Variants in SLC43A2 observed in about 807,000 individuals in gnomAD.
SLC43A2 encodes large neutral amino acids transporter small subunit 4.
A neutral mutation model predicts 63.2 loss-of-function variants in SLC43A2; 38 were observed. The observed-to-expected ratio is 0.60, with a 90% CI of 0.46 to 0.79. The LOEUF is 0.79. SLC43A2 is among the 30% of genes least tolerant of loss of function. The pLI is 0.00. For synonymous variants in SLC43A2, 322 were observed against 331.0 expected, an observed-to-expected ratio of 0.97 and a Z score of 0.30; for missense variants, 644 against 756.2, an observed-to-expected ratio of 0.85 and a Z score of 1.74.
In SLC43A2 at chr17:1,577,513, G is replaced by A. The variant is rs1303393471; in HGVS notation, c.1424+737C>T. ...AAGCGGAGCTGGGATTACCCCAGGG[G>A]CTGTTGCGGGAATTGGGAGAGAGTT... On this transcript the variant is annotated intron_variant, in intron 12 of 13. Transcript: ENST00000301335. This position sits in a 1 kb window ranked among gnomAD's most constrained non-coding sequence, Gnocchi z 4.9. Among the ~76,000 whole-genome samples, 2 of 152,222 alleles carry A rather than the reference G, an allele frequency of 1.3e-5. No individual in the cohort carries two copies. Among genetic ancestry groups the A allele is most frequent in the Non-Finnish European group, 2.9e-5 (2 of 68,042 alleles).
At chr17:1,590,726 C>T in intron 9 of SLC43A2, 76 bp downstream of exon 9, 1 of 1,530,084 alleles carries the variant, frequency 6.5e-7, no homozygotes, top group Middle Eastern at 2.3e-4. Context: ...CTCAGCTTAA[C>T]ACATTCTGGC....
intron 2 of SLC43A2, among the ~76,000 whole-genome samples, chr17:1,617,436 G>A (rs890750223): frequency 1.3e-5 from 2 of 152,060 alleles, no homozygotes; most frequent in African/African-American, 4.8e-5. Context: ...TGTTGCCCAG[G>A]CTGGAGTGCA....
intron 9 of SLC43A2, among the ~76,000 whole-genome samples, chr17:1,590,597 C>G (rs1051009525): frequency 6.6e-6 from 1 of 152,236 alleles, no homozygotes; most frequent in African/African-American, 2.4e-5. Flanking sequence ...TTCCCTCCCT[C>G]CTGGACCAGG....
chr17:1,594,806 T>TCC, intron 5 of SLC43A2, among the ~76,000 whole-genome samples: 1 of 151,710 alleles, frequency 6.6e-6, no homozygotes, highest in Admixed American at 6.6e-5. Context: ...GCCAGGATGG[T>TCC]CTGGATCTCC....
intron 9 of SLC43A2, among the ~76,000 whole-genome samples, chr17:1,587,369 C>G (rs532037080): frequency 8.5e-5 from 13 of 152,352 alleles, no homozygotes; most frequent in Admixed American, 4.6e-4. Flanking sequence ...TCACATCTAC[C>G]TCCTGCTGTG....
At chr17:1,603,716 C>T (rs553043373) in intron 5 of SLC43A2, among the ~76,000 whole-genome samples, 1 of 152,268 alleles carries the variant, frequency 6.6e-6, no homozygotes, top group South Asian at 2.1e-4. Context: ...ACCCAGGAGG[C>T]AGAGGTGGCA....
intron 11 of SLC43A2, among the ~76,000 whole-genome samples, chr17:1,579,979 C>T (rs931775156): frequency 1.3e-5 from 2 of 151,672 alleles, no homozygotes; most frequent in Non-Finnish European, 2.9e-5. Flanking sequence ...GTAGCCCAGG[C>T]TGGAATGCAG....
chr17:1,611,039 A>G (rs1049939110), intron 5 of SLC43A2, among the ~76,000 whole-genome samples: 2 of 151,706 alleles, frequency 1.3e-5, no homozygotes, highest in African/African-American at 4.8e-5. Flanking sequence ...ACGGGGTTTC[A>G]CTATCTTGGG....
In SLC43A2 at chr17:1,576,579, TC is replaced by T; in HGVS notation, c.1548+17del. 1 of 1,590,890 alleles carries T rather than the reference TC, an allele frequency of 6.3e-7. No individual in the cohort carries two copies. Among genetic ancestry groups the T allele is most frequent in the Non-Finnish European group, 8.5e-7 (1 of 1,173,496 alleles). ...GGGGGCAGGCGCCCATGACCCACCA[TC>T]CCCCGACCCCTCTTACCCACAGAGG... On this transcript the variant is annotated intron_variant, in intron 13 of 13. Transcript: ENST00000301335.
At chr17:1,584,190 G>A (rs1250685437) in intron 10 of SLC43A2, among the ~76,000 whole-genome samples, 1 of 152,064 alleles carries the variant, frequency 6.6e-6, no homozygotes, top group Admixed American at 6.6e-5. Flanking sequence ...ACCGCGCCCG[G>A]CCAAGCACCC....
At chr17:1,592,321 G>A (rs1904894849) in intron 6 of SLC43A2, among the ~76,000 whole-genome samples, 1 of 152,198 alleles carries the variant, frequency 6.6e-6, no homozygotes, top group African/African-American at 2.4e-5. Context: ...TAGCTCCTTG[G>A]GAGGCTGAGG....
intron 11 of SLC43A2, among the ~76,000 whole-genome samples, chr17:1,581,968 A>G (rs151158328): frequency 0.057 from 8,647 of 151,714 alleles, 333 homozygotes; most frequent in Middle Eastern, 0.11. Flanking sequence ...CACCACGCCC[A>G]GCTAATTTTT....
chr17:1,616,903 G>T, intron 2 of SLC43A2, 134 bp from the exon 3 acceptor site: 2 of 953,662 alleles, frequency 2.1e-6, no homozygotes, highest in Non-Finnish European at 3.1e-6. Flanking sequence ...GAGGGCTCAG[G>T]CTACCCCGCA....
At chr17:1,628,013 G>T (rs1908848638) in intron 1 of SLC43A2, 93 bp from the exon 2 acceptor site, 1 of 1,183,552 alleles carries the variant, frequency 8.4e-7, no homozygotes, top group Non-Finnish European at 1.1e-6. Flanking sequence ...GCTCGGGATT[G>T]CCACCCCTCC....
At chr17:1,580,791 T>G (rs998517942) in intron 11 of SLC43A2, among the ~76,000 whole-genome samples, 9 of 150,870 alleles carry the variant, frequency 6.0e-5, no homozygotes, top group African/African-American at 2.2e-4. Context: ...AGTGCACTGG[T>G]GCAATCTCAG....
At chr17:1,580,374 G>A (rs947164464) in intron 11 of SLC43A2, among the ~76,000 whole-genome samples, 2 of 152,194 alleles carry the variant, frequency 1.3e-5, no homozygotes, top group Admixed American at 6.5e-5. Context: ...GCTGACAGAC[G>A]TGTATGGGCA....
rs2075939571 is a variant in SLC43A2, at chr17:1,576,769, T to C, written c.1425-49A>G. The C allele has an allele frequency of 2.5e-6, 4 of 1,593,848 alleles. No individual in the cohort carries two copies. The South Asian group carries it at 4.4e-5, about 18-fold the overall frequency. On this transcript the variant is annotated intron_variant, in intron 12 of 13. Transcript: ENST00000301335. ...AGCCATCCTGCCTCCTGGGCTTTGC[T>C]TGGCCCCAGGTGTCTGGTGACCCCG...
intron 5 of SLC43A2, among the ~76,000 whole-genome samples, chr17:1,600,452 A>G (rs115483936): frequency 0.035 from 5,265 of 149,838 alleles, 339 homozygotes; most frequent in African/African-American, 0.12. Flanking sequence ...CGCCCTTCCA[A>G]TATTTCATTT....
At chr17:1,588,723 C>T (rs1287433484) in intron 9 of SLC43A2, among the ~76,000 whole-genome samples, 1 of 146,834 alleles carries the variant, frequency 6.8e-6, no homozygotes, top group South Asian at 2.1e-4. Context: ...AAAAAAAAGG[C>T]GGCCTTTTCC....
Sources: gnomAD v4.1 joint callset for allele counts (sites outside exome capture counted in the v4.1 genomes callset) on GRCh38, gnomAD v4.1.1 for gene constraint, Gnocchi (gnomAD v3.1) non-coding constraint, MANE v1.5 for transcripts, NCBI Gene and HGNC (gene_info 2026-07-23, HGNC 2026-07-21) for gene names.